Variants in SASH1 observed in about 807,000 individuals in gnomAD.
The protein encoded by SASH1 is SAM and SH3 domain containing 1.
SASH1 carries 44 observed loss-of-function variants against 125.2 expected under a neutral mutation model. That is an observed-to-expected ratio of 0.35 (90% CI 0.28 to 0.45). SASH1 has a LOEUF of 0.45. SASH1 is among the 20% of genes least tolerant of loss of function. The probability of loss-of-function intolerance (pLI) is 1.00; values close to 1 mark genes in which losing one functional copy is unlikely to be tolerated. For synonymous variants in SASH1, 639 were observed against 649.1 expected, an observed-to-expected ratio of 0.98 and a Z score of 0.24; for missense variants, 1,426 against 1,614.5, an observed-to-expected ratio of 0.88 and a Z score of 2.00.
At chr6:148,485,343 A>G (rs1778795586) in intron 7 of SASH1, among the ~76,000 whole-genome samples, 2 of 152,252 alleles carry the variant, frequency 1.3e-5, no homozygotes, top group South Asian at 4.1e-4. Flanking sequence ...GAACAATCCA[A>G]GTGTCCCTAA....
intron 2 of SASH1, among the ~76,000 whole-genome samples, chr6:148,424,246 G>A (rs79892136): frequency 2.7e-5 from 4 of 145,704 alleles, no homozygotes; most frequent in African/African-American, 7.4e-5. Flanking sequence ...TTTTTTTTTG[G>A]GGGGGGGAGG....
intron 1 of SASH1, among the ~76,000 whole-genome samples, chr6:148,387,566 CTCTTT>C (rs1783441634): frequency 2.9e-5 from 2 of 70,040 alleles, no homozygotes; most frequent in Non-Finnish European, 5.8e-5. Context: ...TCTTTCTTTT[CTCTTT>C]CTTTCTTTCT....
At chr6:148,504,344 G>A (rs1357537994) in intron 8 of SASH1, among the ~76,000 whole-genome samples, 2 of 152,142 alleles carry the variant, frequency 1.3e-5, no homozygotes, top group Non-Finnish European at 2.9e-5. Flanking sequence ...GGAGCACAAT[G>A]TACCAGAAAC....
At chr6:148,352,427 T>C (rs1447728170) in intron 1 of SASH1, among the ~76,000 whole-genome samples, 2 of 151,508 alleles carry the variant, frequency 1.3e-5, no homozygotes, top group African/African-American at 2.4e-5. Context: ...TGAAACCCCA[T>C]CTCTACCAAA....
intron 9 of SASH1, among the ~76,000 whole-genome samples, chr6:148,516,799 T>C (rs1780470366): frequency 6.6e-6 from 1 of 152,042 alleles, no homozygotes; most frequent in Admixed American, 6.5e-5. Context: ...CAGCACGATG[T>C]CCAGGCAGCC....
chr6:148,439,867 A>G (rs904273001), intron 2 of SASH1, among the ~76,000 whole-genome samples: 2 of 152,198 alleles, frequency 1.3e-5, no homozygotes, highest in Admixed American at 6.5e-5. Context: ...TTAGTGACCA[A>G]CTAAGTATAT....
At chr6:148,439,176 C>G (rs1303937717) in intron 2 of SASH1, among the ~76,000 whole-genome samples, 2 of 152,156 alleles carry the variant, frequency 1.3e-5, no homozygotes, top group African/African-American at 4.8e-5. Context: ...GAGATACAGC[C>G]TCCTTGAACT....
chr6:148,509,231 T>C, intron 8 of SASH1: 2 of 251,904 alleles, frequency 7.9e-6, no homozygotes, highest in South Asian at 9.6e-5. Flanking sequence ...ATTGGCTTCC[T>C]TCTCTTAAGT....
At chr6:148,546,523 C>T (rs1293475499) in intron 19 of SASH1, among the ~76,000 whole-genome samples, 2 of 152,074 alleles carry the variant, frequency 1.3e-5, no homozygotes, top group East Asian at 1.9e-4. Flanking sequence ...AAATAAAATC[C>T]GTCTGAATGA....
At chr6:148,284,830 C>T (rs946514637) in intron 1 of SASH1, among the ~76,000 whole-genome samples, 3 of 152,108 alleles carry the variant, frequency 2.0e-5, no homozygotes, top group African/African-American at 7.2e-5. Context: ...AATCTTTATC[C>T]TCATTTCAGA....
At chr6:148,462,105 GAAAAGACCCAGACACAGC>G (rs1279853868) in intron 4 of SASH1, among the ~76,000 whole-genome samples, 11 of 151,942 alleles carry the variant, frequency 7.2e-5, no homozygotes, top group Admixed American at 6.5e-5. Flanking sequence ...GATGATGCAG[GAAAAGACCCAGACACAGC>G]AAAAGACCAG....
intron 4 of SASH1, among the ~76,000 whole-genome samples, chr6:148,442,481 G>A (rs866337278): frequency 6.6e-5 from 10 of 151,928 alleles, no homozygotes; most frequent in Non-Finnish European, 1.3e-4. Context: ...TAATCTTCAC[G>A]TGGGCCACCA....
At chr6:148,527,993 G>T (rs868024542) in intron 12 of SASH1, among the ~76,000 whole-genome samples, 5 of 141,348 alleles carry the variant, frequency 3.5e-5, no homozygotes, top group East Asian at 2.1e-4. Flanking sequence ...TTTTTTGGGG[G>T]GGGGGGTGGC....
chr6:148,351,003 G>A (rs747540901), intron 1 of SASH1, among the ~76,000 whole-genome samples: 27 of 152,134 alleles, frequency 1.8e-4, no homozygotes, highest in Middle Eastern at 3.4e-3. Flanking sequence ...GTTTCACTGG[G>A]CAGCATTAAT....
chr6:148,513,432 T>G (rs1166792223), intron 8 of SASH1: 2 of 985,350 alleles, frequency 2.0e-6, no homozygotes, highest in Non-Finnish European at 2.4e-6. Context: ...TTTCACATTT[T>G]GAACAGATAC....
At chr6:148,504,393 G>T (rs1779683979) in intron 8 of SASH1, among the ~76,000 whole-genome samples, 1 of 152,088 alleles carries the variant, frequency 6.6e-6, no homozygotes. Context: ...CCACTATAAG[G>T]CCTTTGGACC....
At chr6:148,372,140 G>T (rs1386398850) in intron 1 of SASH1, among the ~76,000 whole-genome samples, 1 of 152,022 alleles carries the variant, frequency 6.6e-6, no homozygotes, top group Non-Finnish European at 1.5e-5. Context: ...CATGAATCCA[G>T]AAACACTAGC....
chr6:148,546,362 A>G (rs1782570344), intron 19 of SASH1, among the ~76,000 whole-genome samples: 1 of 152,242 alleles, frequency 6.6e-6, no homozygotes, highest in Non-Finnish European at 1.5e-5. Flanking sequence ...CAACACTGTG[A>G]AAAACTTTTT....
intron 4 of SASH1, among the ~76,000 whole-genome samples, chr6:148,456,875 A>ATAAT (rs1289222354): frequency 1.7e-3 from 210 of 120,700 alleles, no homozygotes; most frequent in African/African-American, 5.9e-3. Context: ...TCTCATAACA[A>ATAAT]TAATAATAAT....
Sources: allele counts gnomAD v4.1 joint callset (sites outside exome capture counted in the v4.1 genomes callset), GRCh38; gene constraint gnomAD v4.1.1; transcripts MANE v1.5; gene names NCBI Gene and HGNC (gene_info 2026-07-23, HGNC 2026-07-21).